The following RAD18 variants were observed in gnomAD, a reference collection of about 807,000 sequenced individuals.
RAD18 encodes the protein E3 ubiquitin-protein ligase RAD18.
A neutral mutation model predicts 60.4 loss-of-function variants in RAD18; 47 were observed. That is an observed-to-expected ratio of 0.78 (90% CI 0.62 to 0.99). RAD18 has a LOEUF of 0.99. RAD18 is among the 50% of genes least tolerant of loss of function. The pLI is 0.00. For missense variants in RAD18, 640 were observed against 593.3 expected (o/e 1.08, Z -0.82); for synonymous variants, 225 against 195.5 (o/e 1.15, Z -1.26).
chr3:8,913,619 A>G (rs1218162597), intron 8 of RAD18, 25 bp downstream of exon 8: 4 of 1,445,104 alleles, frequency 2.8e-6, no homozygotes, highest in Non-Finnish European at 3.7e-6. Context: ...TTCTATCCAT[A>G]TACTGAAATA....
chr3:8,896,827 G>A (rs894902625), intron 11 of RAD18, among the ~76,000 whole-genome samples: 5 of 152,070 alleles, frequency 3.3e-5, no homozygotes, highest in African/African-American at 1.2e-4. Context: ...TTTGCTATGT[G>A]TGCTGAAGAA....
chr3:8,895,589 T>C (rs925214111), intron 11 of RAD18, among the ~76,000 whole-genome samples: 2 of 152,246 alleles, frequency 1.3e-5, no homozygotes, highest in African/African-American at 4.8e-5. Context: ...ACTGATGAGA[T>C]GATTTCCAAA....
At chr3:8,907,593 T>C (rs931866600) in intron 9 of RAD18, among the ~76,000 whole-genome samples, 2 of 152,172 alleles carry the variant, frequency 1.3e-5, no homozygotes, top group African/African-American at 4.8e-5. Flanking sequence ...AAGCGGCTGA[T>C]GCAAGCGGTC....
intron 10 of RAD18, among the ~76,000 whole-genome samples, chr3:8,900,877 T>C (rs974756921): frequency 6.6e-6 from 1 of 152,158 alleles, no homozygotes; most frequent in African/African-American, 2.4e-5. Flanking sequence ...AGAGTAATAT[T>C]GATGTTCATA....
chr3:8,915,069 AACCCGGGAGGCGG>A (rs1940175110), intron 7 of RAD18, among the ~76,000 whole-genome samples: 1 of 149,936 alleles, frequency 6.7e-6, no homozygotes, highest in Admixed American at 6.7e-5. Context: ...GAATGGCGTG[AACCCGGGAGGCGG>A]AGCTTGCAGT....
intron 7 of RAD18, among the ~76,000 whole-genome samples, chr3:8,924,988 A>G (rs1381662961): frequency 6.7e-6 from 1 of 149,580 alleles, no homozygotes; most frequent in East Asian, 2.0e-4. Flanking sequence ...TCCTAACATC[A>G]CAATTAAAAG....
intron 12 of RAD18, among the ~76,000 whole-genome samples, chr3:8,884,230 A>C (rs1346941445): frequency 1.3e-5 from 2 of 152,128 alleles, no homozygotes; most frequent in Non-Finnish European, 2.9e-5. Context: ...CACAAAGCTC[A>C]CTGTTCTCAC....
chr3:8,893,133 T>C (rs1939722353), intron 11 of RAD18, among the ~76,000 whole-genome samples: 1 of 152,182 alleles, frequency 6.6e-6, no homozygotes. Context: ...GAAAACCTGA[T>C]TACTATGTGC....
At chr3:8,911,928 G>T (rs1038970043) in intron 9 of RAD18, among the ~76,000 whole-genome samples, 1 of 152,102 alleles carries the variant, frequency 6.6e-6, no homozygotes, top group Non-Finnish European at 1.5e-5. Flanking sequence ...ACTATTTTTG[G>T]CACAAATTTG....
chr3:8,913,490 AT>A (rs1189696581), intron 8 of RAD18, among the ~76,000 whole-genome samples, 153 bp downstream of exon 8: 2 of 152,234 alleles, frequency 1.3e-5, no homozygotes, highest in Non-Finnish European at 2.9e-5. Flanking sequence ...GTACAATCAA[AT>A]ATTGTCCTAA....
chr3:8,931,808 A>G lies in RAD18; in HGVS notation c.889+4063T>C, dbSNP rs45515499. Among the ~76,000 whole-genome samples, 587 of 152,368 alleles carry G rather than the reference A, an allele frequency of 3.9e-3. 5 individuals carry two copies. Among genetic ancestry groups the G allele is most frequent in the African/African-American group, 0.014 (569 of 41,578 alleles). ...GAGTGAAAGGACAGATATATAGATC[A>G]GTGGAACAGAATAGATTCTAGATAG... On this transcript the variant is annotated intron_variant, in intron 7 of 12. Coordinates refer to ENST00000264926, the MANE Select transcript of RAD18 (RefSeq NM_020165.4).
Position 8,877,641 on chromosome 3 carries a change from G to T in RAD18, c.*3716C>A, listed in dbSNP as rs930801003. ...TAGTGCCATGAACCTCTCTTTTGTT[G>T]CACTCATCACAGTTGTACATTAATC... On this transcript the variant is annotated 3_prime_UTR_variant, in exon 13 of 13. Transcript: ENST00000264926. 5 of 152,204 alleles carry T rather than the reference G, an allele frequency of 3.3e-5. No individual in the cohort carries two copies. The highest frequency in any genetic ancestry group is 2.6e-4 in the Admixed American group (4 of 15,276). The allele number at this position is 152,204 out of a possible 1,614,324, so 9.4% of individuals were successfully genotyped here. A position where few individuals can be genotyped will look rare whatever the true frequency, so the allele number is the denominator to read the frequency against.
chr3:8,961,778 A>C (rs2124850248), intron 1 of RAD18, among the ~76,000 whole-genome samples: 2 of 152,342 alleles, frequency 1.3e-5, no homozygotes, highest in Non-Finnish European at 2.9e-5. Context: ...CTGTGGTGCC[A>C]AACTCTACAT....
At chr3:8,917,776 A>G (rs1200227476) in intron 7 of RAD18, among the ~76,000 whole-genome samples, 1 of 152,182 alleles carries the variant, frequency 6.6e-6, no homozygotes, top group African/African-American at 2.4e-5. Flanking sequence ...AGCCAACTGC[A>G]CCAGTATTTA....
chr3:8,904,135 T>A (rs1358319547), intron 9 of RAD18, among the ~76,000 whole-genome samples: 1 of 152,202 alleles, frequency 6.6e-6, no homozygotes, highest in Admixed American at 6.5e-5. Context: ...TTGCTCATTA[T>A]ACATTCATTT....
intron 12 of RAD18, among the ~76,000 whole-genome samples, chr3:8,884,244 G>C (rs142322817): frequency 1.6e-3 from 250 of 152,304 alleles, no homozygotes; most frequent in Non-Finnish European, 2.5e-3. Context: ...TTCTCACTGA[G>C]ATTCAGACAT....
chr3:8,922,650 A>G (rs1940344990), intron 7 of RAD18, among the ~76,000 whole-genome samples: 1 of 152,166 alleles, frequency 6.6e-6, no homozygotes, highest in Admixed American at 6.5e-5. Flanking sequence ...AAGTAGCCTA[A>G]CTGGGAGGCA....
At chr3:8,957,678 G>A (rs1278328088) in intron 2 of RAD18, among the ~76,000 whole-genome samples, 1 of 152,070 alleles carries the variant, frequency 6.6e-6, no homozygotes, top group Admixed American at 6.6e-5. Flanking sequence ...TGGTTTTAGT[G>A]GGCAGTAGTT....
chr3:8,947,948 C>T (rs995172381), intron 3 of RAD18, among the ~76,000 whole-genome samples: 2 of 152,190 alleles, frequency 1.3e-5, no homozygotes, highest in Admixed American at 1.3e-4. Context: ...GTCCTAGTGT[C>T]GGCTCTGTCA....
Sources: allele counts gnomAD v4.1 joint callset (sites outside exome capture counted in the v4.1 genomes callset), GRCh38; gene constraint gnomAD v4.1.1; transcripts MANE v1.5; gene names NCBI Gene and HGNC (gene_info 2026-07-23, HGNC 2026-07-21).